ZC3H6: variants seen among roughly 807,000 people sequenced by gnomAD.
ZC3H6 encodes the protein zinc finger CCCH-type containing 6.
ZC3H6 carries 40 observed loss-of-function variants against 107.7 expected under a neutral mutation model. The observed-to-expected ratio is 0.37, with a 90% CI of 0.29 to 0.48. The LOEUF (loss-of-function observed/expected upper bound fraction) is 0.48, where lower values mean the gene tolerates loss of function less well. ZC3H6 is among the 20% of genes least tolerant of loss of function. The pLI is 0.98. For synonymous variants in ZC3H6, 493 were observed against 487.9 expected (o/e 1.01, Z -0.14); for missense variants, 1,267 against 1,410.4 (o/e 0.90, Z 1.63).
chr2:112,288,053 A>T (rs796646149), intron 1 of ZC3H6, among the ~76,000 whole-genome samples: 19 of 152,356 alleles, frequency 1.2e-4, no homozygotes, highest in African/African-American at 4.6e-4. Context: ...ACTAGATGTC[A>T]TACTCCATTT....
chr2:112,328,272 C>G (rs1457567749), intron 11 of ZC3H6, among the ~76,000 whole-genome samples: 1 of 151,994 alleles, frequency 6.6e-6, no homozygotes, highest in Non-Finnish European at 1.5e-5. Flanking sequence ...TAATGTGATT[C>G]CTCTAGTTTT....
At position 112,317,211 on chromosome 2, in the gene ZC3H6, T is replaced by G; in HGVS notation, c.865-10T>G. ...TTTTTCTTTTTTCTTTTTTTTTTTT[T>G]TGTGAATAGGGAGATCAGTGTAAAT... On this transcript the variant is annotated splice_polypyrimidine_tract_variant and intron_variant, in intron 6 of 11. Transcript: ENST00000409871. The G allele has an allele frequency of 3.6e-6, 5 of 1,395,386 alleles. No individual in the cohort carries two copies. Among genetic ancestry groups the G allele is most frequent in the East Asian group, 2.6e-5 (1 of 38,256 alleles). The allele number at this position is 1,395,386 out of a possible 1,614,324, so 86.4% of individuals were successfully genotyped here.
intron 6 of ZC3H6, among the ~76,000 whole-genome samples, chr2:112,316,808 A>G (rs1217894923): frequency 2.6e-5 from 4 of 152,226 alleles, no homozygotes; most frequent in Non-Finnish European, 5.9e-5. Context: ...TAAAAGACAC[A>G]TAATGCTACG....
At chr2:112,300,907 C>T (rs1676361197) in intron 2 of ZC3H6, among the ~76,000 whole-genome samples, 1 of 152,104 alleles carries the variant, frequency 6.6e-6, no homozygotes, top group Non-Finnish European at 1.5e-5. Context: ...GAATTTCCTC[C>T]ATTAAAATCA....
rs1361395414 is a variant in ZC3H6 at position 112,275,715 on chromosome 2, G to A, written c.-280G>A. The A allele has an allele frequency of 1.2e-5, 5 of 413,664 alleles. No individual in the cohort carries two copies. The highest frequency in any genetic ancestry group is 2.1e-5 in the African/African-American group (1 of 48,656). The allele number at this position is 413,664 out of a possible 1,614,324, so 25.6% of individuals were successfully genotyped here. ...GCCGCCCGCCCGCTCCCACGCCACAGCCACCGGCGGCGAATAGAGACTAGA... is the reference window on the plus strand; with the variant it reads ...GCCGCCCGCCCGCTCCCACGCCACAACCACCGGCGGCGAATAGAGACTAGA... On this transcript the variant is annotated 5_prime_UTR_variant, in exon 1 of 12. Transcript: ENST00000409871.
chr2:112,314,337 A>G (rs550112837), intron 5 of ZC3H6, among the ~76,000 whole-genome samples: 56 of 152,248 alleles, frequency 3.7e-4, no homozygotes, highest in African/African-American at 1.3e-3. Context: ...TATTTGTTAA[A>G]GTTGCTTTAG....
chr2:112,323,021 T>G, intron 9 of ZC3H6, 119 bp downstream of exon 9: 2 of 1,080,954 alleles, frequency 1.9e-6, no homozygotes, highest in Non-Finnish European at 1.3e-6. Flanking sequence ...AGCACATATC[T>G]GGCATGCACG....
Position 112,338,142 on chromosome 2 carries a change from G to T in ZC3H6, c.*5654G>T, listed in dbSNP as rs549907609. The T allele has an allele frequency of 6.6e-6, 1 of 151,740 alleles. No individual in the cohort carries two copies. Among genetic ancestry groups the T allele is most frequent in the East Asian group, 1.9e-4 (1 of 5,166 alleles). 9.4% of individuals were successfully genotyped at this position (151,740 alleles called of 1,614,324 possible). A position where few individuals can be genotyped will look rare whatever the true frequency, so the allele number is the denominator to read the frequency against. On this transcript the variant is annotated 3_prime_UTR_variant, in exon 12 of 12. Coordinates refer to ENST00000409871, the MANE Select transcript of ZC3H6 (RefSeq NM_198581.3). ...TTTTTATATTTTTGGTAGAGACACA[G>T]TTTCATCATGTTGGCCCGGCTGGTC... is the stretch of plus-strand genomic sequence containing the variant.
chr2:112,278,225 T>C (rs1354206481), intron 1 of ZC3H6, among the ~76,000 whole-genome samples: 1 of 152,262 alleles, frequency 6.6e-6, no homozygotes, highest in Non-Finnish European at 1.5e-5. Flanking sequence ...TAATAGCTAT[T>C]TTATGCTGTT....
At chr2:112,328,736 C>T (rs756897282) in intron 11 of ZC3H6, among the ~76,000 whole-genome samples, 5 of 152,080 alleles carry the variant, frequency 3.3e-5, no homozygotes, top group Admixed American at 6.5e-5. Context: ...GTCAAGAGAT[C>T]GAGACCATCC....
chr2:112,306,195 C>T (rs1331828886), intron 3 of ZC3H6, among the ~76,000 whole-genome samples: 30 of 120,522 alleles, frequency 2.5e-4, no homozygotes, highest in Admixed American at 9.4e-4. Flanking sequence ...TTTTTTGAGA[C>T]GGAGTCTCAC....
chr2:112,286,381 C>A, intron 1 of ZC3H6: 1 of 190,552 alleles, frequency 5.2e-6, no homozygotes, highest in South Asian at 9.7e-5. Flanking sequence ...GGGTTGAGGG[C>A]ATAGTGGCCA....
chr2:112,338,279 C>G lies in ZC3H6; in HGVS notation c.*5791C>G, dbSNP rs1011157592. 6.6e-6 allele frequency: 1 copy of G among 152,158 alleles called. No homozygotes were observed. The highest frequency in any genetic ancestry group is 6.5e-5 in the Admixed American group (1 of 15,274). 9.4% of individuals were successfully genotyped at this position (152,158 alleles called of 1,614,324 possible). On this transcript the variant is annotated 3_prime_UTR_variant, in exon 12 of 12. Coordinates refer to ENST00000409871, the MANE Select transcript of ZC3H6 (RefSeq NM_198581.3). ...TTTTATTTTAAAATAAATACTTAGT[C>G]CTAACCTAGTGAATTATCAATAGCA...
intron 2 of ZC3H6, among the ~76,000 whole-genome samples, chr2:112,300,281 C>T (rs1355959198): frequency 1.3e-5 from 2 of 151,662 alleles, no homozygotes; most frequent in African/African-American, 4.9e-5. Context: ...AATTTTGGCT[C>T]ACTGCAGCCT....
At chr2:112,301,716 A>G (rs1410960519) in intron 2 of ZC3H6, among the ~76,000 whole-genome samples, 2 of 152,274 alleles carry the variant, frequency 1.3e-5, no homozygotes, top group East Asian at 3.9e-4. Flanking sequence ...ATGCTCAAAC[A>G]GCATAGAATA....
In ZC3H6 at chr2:112,338,898, TATATATATATATATA is replaced by T. The variant is rs1677192054; in HGVS notation, c.*6413_*6427del. On this transcript the variant is annotated 3_prime_UTR_variant, in exon 12 of 12. Transcript: ENST00000409871. Reference sequence around the variant, plus strand: ...ATATATATATATATATATATATATATATATATATATATATAATTTTTTTTTTTTGAGACGGAGTCT... The same window carrying T: ...ATATATATATATATATATATATATATATTTTTTTTTTTTGAGACGGAGTCT... 1 of 85,542 alleles carries T rather than the reference TATATATATATATATA, an allele frequency of 1.2e-5. No homozygotes were observed. The highest frequency in any genetic ancestry group is 5.2e-5 in the African/African-American group (1 of 19,230). 5.3% of individuals were successfully genotyped at this position (85,542 alleles called of 1,614,324 possible).
chr2:112,321,915 AC>A lies in ZC3H6; in HGVS notation c.1086+51del, dbSNP rs1238620472. 3 of 821,222 alleles carry A rather than the reference AC, an allele frequency of 3.7e-6. No homozygotes were observed. In the African/African-American group the frequency reaches 5.3e-5, roughly 15 times the overall value. 50.9% of individuals were successfully genotyped at this position (821,222 alleles called of 1,614,324 possible). A position where few individuals can be genotyped will look rare whatever the true frequency, so the allele number is the denominator to read the frequency against. On this transcript the variant is annotated intron_variant, in intron 8 of 11. Coordinates refer to ENST00000409871, the MANE Select transcript of ZC3H6 (RefSeq NM_198581.3). ...TTATGTCTCTCCACAAATACATTTG[AC>A]TTGAATCATATTTTATAAGTGATAT...
chr2:112,278,574 C>T (rs1020659836), intron 1 of ZC3H6, among the ~76,000 whole-genome samples: 1 of 152,214 alleles, frequency 6.6e-6, no homozygotes, highest in African/African-American at 2.4e-5. Flanking sequence ...CAGCCTTGGC[C>T]TCCCAAAGTT....
rs751449561 is a variant in ZC3H6, at chr2:112,331,882, T to C, written c.2964T>C (p.Asp988=). The change falls in exon 12 of 12, where the codon GAT becomes GAC. Residue 988 remains aspartate, a synonymous_variant. Coordinates refer to ENST00000409871, the MANE Select transcript of ZC3H6 (RefSeq NM_198581.3). The stretch of plus-strand genomic sequence containing the variant: ...AGTCTCATCAAGTGGTTATGAAGGA[T>C]TCACATGCATCAAAGGGTGCCCCTC... ...NTESHQVVMK[D]SHASKGAPHL... is the part of the protein sequence containing the mutation. 1 of 1,613,930 alleles carries C rather than the reference T, an allele frequency of 6.2e-7. No homozygotes were observed. Among genetic ancestry groups the C allele is most frequent in the Non-Finnish European group, 8.5e-7 (1 of 1,179,876 alleles).
Sources: allele counts gnomAD v4.1 joint callset (sites outside exome capture counted in the v4.1 genomes callset), GRCh38; gene constraint gnomAD v4.1.1; transcripts MANE v1.5; gene names NCBI Gene and HGNC (gene_info 2026-07-23, HGNC 2026-07-21).